EXT1: variants seen among roughly 807,000 people sequenced by gnomAD.
EXT1 encodes exostosin-1.
In EXT1, 20 loss-of-function variants were observed where a neutral mutation model predicts 82.5. The observed-to-expected ratio is 0.24, with a 90% confidence interval of 0.17 to 0.35. EXT1 has a LOEUF of 0.35. EXT1 is among the 10% of genes least tolerant of loss of function. The pLI, the probability that EXT1 is intolerant of heterozygous loss-of-function variation, is 1.00. For missense variants in EXT1, 757 were observed against 936.5 expected, an observed-to-expected ratio of 0.81 and a Z score of 2.50; for synonymous variants, 348 against 350.8, an observed-to-expected ratio of 0.99 and a Z score of 0.09.
rs563964915 is a variant in EXT1 at position 117,974,316 on chromosome 8, G to C, written c.962+135769C>G. ...ACTGATTGTTGTCTGAGCTGTCCCA[G>C]GTTTCCCGACTCTCTGGGATCCCCC... On this transcript the variant is annotated intron_variant, in intron 1 of 10. Coordinates refer to ENST00000378204, the MANE Select transcript of EXT1 (RefSeq NM_000127.3). Among the ~76,000 whole-genome samples, 8 of 152,262 alleles carry C rather than the reference G, an allele frequency of 5.3e-5. No individual in the cohort carries two copies. The South Asian group carries it at 1.5e-3, about 28-fold the overall frequency.
chr8:117,964,615 G>A (rs1223110647), intron 1 of EXT1, among the ~76,000 whole-genome samples: 4 of 114,902 alleles, frequency 3.5e-5, no homozygotes, highest in Admixed American at 2.4e-4. Context: ...TTATGTCTGT[G>A]TGTGTGTGTG....
At chr8:117,858,591 T>C (rs933584485) in intron 1 of EXT1, among the ~76,000 whole-genome samples, 1 of 151,170 alleles carries the variant, frequency 6.6e-6, no homozygotes, top group Non-Finnish European at 1.5e-5. Context: ...GGCAGGAGAA[T>C]GGCTTGAACC....
At chr8:117,968,693 C>G (rs1814878284) in intron 1 of EXT1, among the ~76,000 whole-genome samples, 1 of 102,520 alleles carries the variant, frequency 9.8e-6, no homozygotes, top group Admixed American at 9.8e-5. Context: ...CCTCAGCCTC[C>G]CGAGTAGCTG....
chr8:117,951,023 G>A (rs1814481296), intron 1 of EXT1, among the ~76,000 whole-genome samples: 1 of 152,158 alleles, frequency 6.6e-6, no homozygotes, highest in African/African-American at 2.4e-5. Flanking sequence ...TTAAATCAAT[G>A]TCAGAAATAA....
intron 1 of EXT1, among the ~76,000 whole-genome samples, chr8:118,038,118 A>G (rs938666726): frequency 6.6e-6 from 1 of 151,952 alleles, no homozygotes; most frequent in African/African-American, 2.4e-5. Context: ...GAGCCACTGC[A>G]CCCGGCCAAG....
rs1049344079 is a variant in EXT1 at position 117,940,572 on chromosome 8, G to A, written c.963-103371C>T. Among the ~76,000 whole-genome samples the A allele has an allele frequency of 2.6e-5, 4 of 152,136 alleles. No homozygotes were observed. In the East Asian group the frequency reaches 7.7e-4, roughly 29 times the overall value. ...GCTATTTAAAGGTGAATTAAAACAC[G>A]CTGCACCCTCAAGAAACTCATTAGT... On this transcript the variant is annotated intron_variant, in intron 1 of 10. Coordinates refer to ENST00000378204, the MANE Select transcript of EXT1 (RefSeq NM_000127.3).
At chr8:118,081,399 G>A (rs866131815) in intron 1 of EXT1, among the ~76,000 whole-genome samples, 2 of 152,182 alleles carry the variant, frequency 1.3e-5, no homozygotes, top group Non-Finnish European at 2.9e-5. Flanking sequence ...TTAGCTCCAA[G>A]TAGATATACT....
intron 1 of EXT1, among the ~76,000 whole-genome samples, chr8:118,104,974 AG>A (rs1402027382): frequency 6.6e-6 from 1 of 152,178 alleles, no homozygotes; most frequent in Non-Finnish European, 1.5e-5. Context: ...CTCCGTGAAA[AG>A]AACAGACAAC....
intron 1 of EXT1, among the ~76,000 whole-genome samples, chr8:117,837,815 CT>C (rs1470075455): frequency 6.7e-6 from 1 of 149,818 alleles, no homozygotes; most frequent in African/African-American, 2.5e-5. Context: ...GAGAAGGATG[CT>C]AGCCTAAGAA....
intron 1 of EXT1, among the ~76,000 whole-genome samples, chr8:118,099,892 G>A (rs1019817939): frequency 7.9e-5 from 12 of 152,118 alleles, no homozygotes; most frequent in East Asian, 5.8e-4. Flanking sequence ...CTTCAACAGC[G>A]CCTGCCACAG....
chr8:117,992,435 A>G (rs1417372105), intron 1 of EXT1, among the ~76,000 whole-genome samples: 1 of 141,120 alleles, frequency 7.1e-6, no homozygotes, highest in African/African-American at 2.8e-5. Context: ...CCTTTCAACT[A>G]GCTAAAAAAA....
At chr8:118,011,789 A>C (rs886411146) in intron 1 of EXT1, among the ~76,000 whole-genome samples, 10 of 152,240 alleles carry the variant, frequency 6.6e-5, no homozygotes, top group Non-Finnish European at 1.2e-4. Flanking sequence ...ACAAGCCGTT[A>C]GTATTCACTC....
At position 117,807,705 on chromosome 8, in the gene EXT1, G is replaced by A. The variant is rs116738883; in HGVS notation, c.1723-328C>T. 6.1e-3 allele frequency among the ~76,000 whole-genome samples: 925 copies of A among 152,118 alleles called. 8 individuals are homozygous for A. Among genetic ancestry groups the A allele is most frequent in the African/African-American group, 0.021 (880 of 41,504 alleles). ...TTTTCCCCCTTCCTCAAAGGTGCAC[G>A]TGCCTTGATTCACGTGAGACACAAA... On this transcript the variant is annotated intron_variant, in intron 8 of 10. Coordinates refer to ENST00000378204, the MANE Select transcript of EXT1 (RefSeq NM_000127.3).
chr8:118,063,811 A>G (rs1303188554), intron 1 of EXT1, among the ~76,000 whole-genome samples: 1 of 152,184 alleles, frequency 6.6e-6, no homozygotes, highest in Non-Finnish European at 1.5e-5. Flanking sequence ...TTTCATGGAG[A>G]CAAACATCAT....
chr8:117,989,378 T>G (rs1815389099), intron 1 of EXT1, among the ~76,000 whole-genome samples: 1 of 152,132 alleles, frequency 6.6e-6, no homozygotes, highest in Non-Finnish European at 1.5e-5. Flanking sequence ...TATTTGTGTT[T>G]ATTTCTGCTT....
In EXT1 at chr8:118,061,750, A is replaced by G. The variant is rs188834780; in HGVS notation, c.962+48335T>C. On this transcript the variant is annotated intron_variant, in intron 1 of 10. Coordinates refer to ENST00000378204, the MANE Select transcript of EXT1 (RefSeq NM_000127.3). ...ATATGTTTAGTTGGTAAGCCAAATA[A>G]CATTCCTAGATTTTAAAAGCAACAG... is the stretch of plus-strand genomic sequence containing the variant. 1.2e-4 allele frequency among the ~76,000 whole-genome samples: 19 copies of G among 152,360 alleles called. No individual in the cohort carries two copies. In the East Asian group the frequency reaches 3.3e-3, roughly 26 times the overall value.
intron 1 of EXT1, among the ~76,000 whole-genome samples, chr8:118,073,648 AGAAGAGAAGAGAAG>A (rs1817144208): frequency 3.1e-5 from 3 of 98,178 alleles, no homozygotes; most frequent in Non-Finnish European, 6.6e-5. Flanking sequence ...AGAAGAGAAG[AGAAGAGAAGAGAAG>A]AGAAGAGAAG....
chr8:118,109,399 A>G (rs534079985), intron 1 of EXT1, among the ~76,000 whole-genome samples: 1 of 149,486 alleles, frequency 6.7e-6, no homozygotes, highest in African/African-American at 2.4e-5. Flanking sequence ...AAGAGACAGG[A>G]CATGTACAGA....
intron 1 of EXT1, among the ~76,000 whole-genome samples, chr8:118,079,401 A>G (rs1817269260): frequency 6.6e-6 from 1 of 152,224 alleles, no homozygotes; most frequent in African/African-American, 2.4e-5. Context: ...TTTGATGTCA[A>G]AAACACAGAA....
Sources: gnomAD v4.1 joint callset for allele counts (sites outside exome capture counted in the v4.1 genomes callset) on GRCh38, gnomAD v4.1.1 for gene constraint, MANE v1.5 for transcripts, NCBI Gene and HGNC (gene_info 2026-07-23, HGNC 2026-07-21) for gene names.